The following ATAD5 variants were observed in gnomAD, a reference collection of about 807,000 sequenced individuals.
ATAD5 encodes ATPase family AAA domain containing 5.
A neutral mutation model predicts 176.9 loss-of-function variants in ATAD5; 58 were observed. The observed-to-expected ratio is 0.33, with a 90% confidence interval of 0.27 to 0.41. The LOEUF is 0.41. Among genes scored for constraint, ATAD5 ranks in the 10% least tolerant of loss-of-function variants. The probability of loss-of-function intolerance (pLI) is 1.00; values close to 1 mark genes in which losing one functional copy is unlikely to be tolerated. For synonymous variants in ATAD5, 640 were observed against 712.6 expected (o/e 0.90, Z 1.62); for missense variants, 1,789 against 2,094.1 (o/e 0.85, Z 2.84).
At chr17:30,867,726 C>T (rs1388921733) in intron 11 of ATAD5, among the ~76,000 whole-genome samples, 1 of 152,184 alleles carries the variant, frequency 6.6e-6, no homozygotes, top group Non-Finnish European at 1.5e-5. Context: ...ATCCTCCCAC[C>T]TGAGCCTCCC....
chr17:30,884,462 T>C (rs1399736156), intron 18 of ATAD5, among the ~76,000 whole-genome samples: 1 of 140,744 alleles, frequency 7.1e-6, no homozygotes, highest in Non-Finnish European at 1.5e-5. Context: ...GTAGTCTTGC[T>C]CTGTCACCTG....
At position 30,839,443 on chromosome 17, in the gene ATAD5, A is replaced by G. The variant is rs542950812; in HGVS notation, c.2077-1174A>G. Reference sequence around the variant, plus strand: ...AGGCACCCGCCTCCATGCCCAGCTAATTTTTGTATTTTTAGTAGAGATGGG... The same window carrying G: ...AGGCACCCGCCTCCATGCCCAGCTAGTTTTTGTATTTTTAGTAGAGATGGG... On this transcript the variant is annotated intron_variant, in intron 3 of 22. Coordinates refer to ENST00000321990, the MANE Select transcript of ATAD5 (RefSeq NM_024857.5). Among the ~76,000 whole-genome samples, 386 of 151,856 alleles carry G rather than the reference A, an allele frequency of 2.5e-3. 2 individuals carry two copies. The highest frequency in any genetic ancestry group is 9.0e-3 in the African/African-American group (372 of 41,414).
In ATAD5 at chr17:30,832,742, G is replaced by A. The variant is rs550170207; in HGVS notation, c.66+329G>A. On this transcript the variant is annotated intron_variant, in intron 1 of 22. Coordinates refer to ENST00000321990, the MANE Select transcript of ATAD5 (RefSeq NM_024857.5). Reference sequence around the variant, plus strand: ...ATGTCACAGAGGATCCCAGGGTCAAGTTCTGGGTTCGTGATACGGAATCAC... The same window carrying A: ...ATGTCACAGAGGATCCCAGGGTCAAATTCTGGGTTCGTGATACGGAATCAC... 4.6e-5 allele frequency among the ~76,000 whole-genome samples: 7 copies of A among 152,322 alleles called. No individual in the cohort carries two copies. The South Asian group carries it at 1.4e-3, about 32-fold the overall frequency.
At position 30,892,676 on chromosome 17, in the gene ATAD5, A is replaced by G. The variant is rs1339920052; in HGVS notation, c.4328A>G (p.Asn1443Ser). Residue 1443 changes from asparagine to serine, a missense_variant, in exon 20 of 23, where the codon AAT becomes AGT. Coordinates refer to ENST00000321990, the MANE Select transcript of ATAD5 (RefSeq NM_024857.5). ...HGLDNKIYPK[N>S]TKKKRVDLPK... ...CTTGATAACAAAATTTACCCTAAAA[A>G]TACTAAAAAGAAACGTGTAGACCTT... 1 of 1,602,168 alleles carries G rather than the reference A, an allele frequency of 6.2e-7. No individual in the cohort carries two copies. The highest frequency in any genetic ancestry group is 1.7e-4 in the Middle Eastern group (1 of 6,028).
intron 11 of ATAD5, among the ~76,000 whole-genome samples, chr17:30,866,986 G>A (rs192527080): frequency 8.6e-5 from 13 of 151,810 alleles, no homozygotes; most frequent in South Asian, 2.1e-4. Flanking sequence ...AAGGATTTAC[G>A]GACCCATAAT....
rs1906449976 is a variant in ATAD5, at chr17:30,845,619, G to A, written c.2450+703G>A. 2.0e-5 allele frequency among the ~76,000 whole-genome samples: 3 copies of A among 152,148 alleles called. No homozygotes were observed. The South Asian group carries it at 6.2e-4, about 32-fold the overall frequency. Reference sequence around the variant, plus strand: ...TGTAGGACCTAGGAGGCCATGTTAAGGGATTTTATCATTATATTAAGAGCA... The same window carrying A: ...TGTAGGACCTAGGAGGCCATGTTAAAGGATTTTATCATTATATTAAGAGCA... On this transcript the variant is annotated intron_variant, in intron 6 of 22. Coordinates refer to ENST00000321990, the MANE Select transcript of ATAD5 (RefSeq NM_024857.5).
At chr17:30,876,078 A>C (rs1290312187) in intron 14 of ATAD5, among the ~76,000 whole-genome samples, 1 of 152,016 alleles carries the variant, frequency 6.6e-6, no homozygotes, top group Non-Finnish European at 1.5e-5. Context: ...TGGAGCTTGT[A>C]GTGAGCCGAG....
chr17:30,836,022 AC>A lies in ATAD5; in HGVS notation c.1944del (p.Phe649LeufsTer9). On this transcript the variant is annotated frameshift_variant, in exon 2 of 23. Coordinates refer to ENST00000321990, the MANE Select transcript of ATAD5 (RefSeq NM_024857.5). LOFTEE classifies it high-confidence loss of function. ...SLYTAELITV[P>X]FDSESPIRMK... is the part of the protein sequence containing the mutation. ...TATATACAGCAGAATTAATAACAGT[AC>A]CCTTTGATTCAGAGAGCCCTATTAG... 6.2e-7 allele frequency: 1 copy of A among 1,605,210 alleles called. No individual in the cohort carries two copies. Among genetic ancestry groups the A allele is most frequent in the Non-Finnish European group, 8.5e-7 (1 of 1,177,118 alleles).
chr17:30,891,834 C>T (rs1909654774), intron 19 of ATAD5, among the ~76,000 whole-genome samples: 2 of 151,908 alleles, frequency 1.3e-5, no homozygotes, highest in Non-Finnish European at 1.5e-5. Context: ...TACAGGCATG[C>T]GTCACCACGC....
Position 30,832,019 on chromosome 17 carries a change from T to TGGTCCGATCTGC in ATAD5, c.-322_-311dup, listed in dbSNP as rs1905406542. 2 of 367,138 alleles carry TGGTCCGATCTGC rather than the reference T, an allele frequency of 5.4e-6. No homozygotes were observed. Among genetic ancestry groups the TGGTCCGATCTGC allele is most frequent in the Non-Finnish European group, 9.7e-6 (2 of 206,594 alleles). 22.7% of individuals were successfully genotyped at this position (367,138 alleles called of 1,614,324 possible). On this transcript the variant is annotated 5_prime_UTR_variant, in exon 1 of 23. Transcript: ENST00000321990. ...GACAAGAATTCCCTCCGAAGCTCTG[T>TGGTCCGATCTGC]GGTCCGATCTGCGGTCCGCTTGCTT...
chr17:30,865,397 C>T (rs1475208489), intron 10 of ATAD5, among the ~76,000 whole-genome samples: 1 of 152,106 alleles, frequency 6.6e-6, no homozygotes, highest in Non-Finnish European at 1.5e-5. Flanking sequence ...TGGTATCGAT[C>T]TCCTGACCTC....
rs3816780 is a variant in ATAD5, at chr17:30,834,340, C to A, written c.259C>A (p.Pro87Thr). Residue 87 changes from proline to threonine, a missense_variant, in exon 2 of 23, where the codon CCT becomes ACT. By Grantham distance (38) the Pro-to-Thr change is conservative (BLOSUM62 -1). Coordinates refer to ENST00000321990, the MANE Select transcript of ATAD5 (RefSeq NM_024857.5). ...QLGKECKIKS[P>T]ESVPVDSNKD... ...AGGGAAAGAGTGCAAGATAAAGTCA[C>A]CTGAATCAGTACCTGTTGACAGCAA... 9.9e-6 allele frequency: 16 copies of A among 1,610,210 alleles called. No individual in the cohort carries two copies. Among genetic ancestry groups the A allele is most frequent in the Non-Finnish European group, 1.4e-5 (16 of 1,178,808 alleles).
chr17:30,875,308 A>G (rs1908591127), intron 14 of ATAD5, among the ~76,000 whole-genome samples: 1 of 152,162 alleles, frequency 6.6e-6, no homozygotes, highest in Non-Finnish European at 1.5e-5. Flanking sequence ...CTTCGTATCT[A>G]TCTTCCAAAG....
intron 6 of ATAD5, among the ~76,000 whole-genome samples, chr17:30,850,789 A>G (rs1410569883): frequency 7.1e-6 from 1 of 140,482 alleles, no homozygotes; most frequent in Non-Finnish European, 1.5e-5. Context: ...CATATATTAA[A>G]AAATCATTAT....
At chr17:30,894,427 T>C (rs1899329872) in intron 21 of ATAD5, 137 bp from the exon 22 acceptor site, 3 of 856,798 alleles carry the variant, frequency 3.5e-6, no homozygotes, top group Non-Finnish European at 5.2e-6. Context: ...ATGGGAGTGA[T>C]TGATGTGTTG....
At chr17:30,868,489 T>G in intron 12 of ATAD5, 77 bp downstream of exon 12, 1 of 931,458 alleles carries the variant, frequency 1.1e-6, no homozygotes, top group East Asian at 3.6e-5. Flanking sequence ...AAACTTTCTA[T>G]AAAATTTCTT....
At chr17:30,865,393 C>A (rs1271073391) in intron 10 of ATAD5, among the ~76,000 whole-genome samples, 1 of 151,946 alleles carries the variant, frequency 6.6e-6, no homozygotes, top group African/African-American at 2.4e-5. Context: ...AGGATGGTAT[C>A]GATCTCCTGA....
chr17:30,867,339 G>T (rs1908060092), intron 11 of ATAD5, among the ~76,000 whole-genome samples: 1 of 152,104 alleles, frequency 6.6e-6, no homozygotes, highest in South Asian at 2.1e-4. Flanking sequence ...ATTCGAGGCT[G>T]CAGTGAGCTA....
rs747550372 is a variant in ATAD5 at position 30,834,216 on chromosome 17, A to G, written c.135A>G (p.Pro45=). ...TCKTITKYLS[P]LGKTRDRVFA... ...AAACAATTACAAAATATTTATCACC[A>G]CTAGGGAAGACTAGAGACAGGGTTT... Residue 45 remains proline (P), a synonymous_variant, in exon 2 of 23, where the codon CCA becomes CCG. Transcript: ENST00000321990. 1.2e-5 allele frequency: 20 copies of G among 1,610,244 alleles called. No homozygotes were observed. The highest frequency in any genetic ancestry group is 6.8e-5 in the Admixed American group (4 of 58,890).
Sources: gnomAD v4.1 joint callset for allele counts (sites outside exome capture counted in the v4.1 genomes callset) on GRCh38, gnomAD v4.1.1 for gene constraint, MANE v1.5 for transcripts, NCBI Gene and HGNC (gene_info 2026-07-23, HGNC 2026-07-21) for gene names.